Variants in NLGN1 observed in about 807,000 individuals in gnomAD.
NLGN1 encodes neuroligin 1.
A neutral mutation model predicts 65.5 loss-of-function variants in NLGN1; 12 were observed. The observed-to-expected ratio is 0.18, with a 90% CI of 0.12 to 0.30. The LOEUF is 0.30. Ranked by LOEUF, NLGN1 falls within the 10% of genes least tolerant of loss-of-function variation. The probability of loss-of-function intolerance (pLI) is 1.00; values close to 1 mark genes in which losing one functional copy is unlikely to be tolerated. For missense variants in NLGN1, 750 were observed against 1,007.1 expected (o/e 0.74, Z 3.46); for synonymous variants, 350 against 359.5 (o/e 0.97, Z 0.30).
Position 173,981,525 on chromosome 3 carries a change from C to A in NLGN1, c.646+173693C>A, listed in dbSNP as rs999775982. On this transcript the variant is annotated intron_variant, in intron 4 of 6. Transcript: ENST00000457714. The stretch of plus-strand genomic sequence containing the variant: ...CAACTATTTCTATATTACATTAAAG[C>A]AGGGATCCCATTTTATCTGGTACAT... Among the ~76,000 whole-genome samples, 3 of 152,116 alleles carry A rather than the reference C, an allele frequency of 2.0e-5. 1 individual carries two copies. The highest frequency in any genetic ancestry group is 4.4e-5 in the Non-Finnish European group (3 of 68,014).
chr3:173,837,107 G>C (rs1358483929), intron 4 of NLGN1, among the ~76,000 whole-genome samples: 2 of 152,002 alleles, frequency 1.3e-5, no homozygotes, highest in Admixed American at 1.3e-4. Flanking sequence ...ACTGATAATA[G>C]TAAAATTGTA....
In NLGN1 at chr3:173,940,397, T is replaced by TTCCTGG. The variant is rs1745856119; in HGVS notation, c.646+132566_646+132567insCCTGGT. ...AGCTACCATGCCCGGCCTCAAATAGTTATATCTTGTAGGTTCCTGGTCTAC... is the reference window on the plus strand; with the variant it reads ...AGCTACCATGCCCGGCCTCAAATAGTTCCTGGTATATCTTGTAGGTTCCTGGTCTAC... On this transcript the variant is annotated intron_variant, in intron 4 of 6. Coordinates refer to ENST00000457714, the Ensembl canonical transcript of NLGN1. 3.3e-5 allele frequency among the ~76,000 whole-genome samples: 5 copies of TTCCTGG among 152,274 alleles called. No individual in the cohort carries two copies. In the South Asian group the frequency reaches 1.0e-3, roughly 32 times the overall value.
At chr3:173,955,383 ATG>A (rs1406204605) in intron 4 of NLGN1, among the ~76,000 whole-genome samples, 1 of 152,186 alleles carries the variant, frequency 6.6e-6, no homozygotes, top group Non-Finnish European at 1.5e-5. Context: ...TTTAAGATGC[ATG>A]TAATGTTGTT....
intron 4 of NLGN1, among the ~76,000 whole-genome samples, chr3:173,854,720 C>T (rs1482137204): frequency 6.6e-6 from 1 of 151,958 alleles, no homozygotes; most frequent in East Asian, 1.9e-4. Context: ...TTGGGGAAAA[C>T]AGTATTGGGG....
intron 4 of NLGN1, among the ~76,000 whole-genome samples, chr3:173,816,792 C>T (rs986722539): frequency 6.6e-6 from 1 of 152,192 alleles, no homozygotes; most frequent in Non-Finnish European, 1.5e-5. Context: ...TTTCCTCTAC[C>T]CCAGATCTTT....
intron 4 of NLGN1, among the ~76,000 whole-genome samples, chr3:173,917,604 T>G (rs1344522486): frequency 1.3e-5 from 2 of 152,178 alleles, no homozygotes; most frequent in East Asian, 3.8e-4. Context: ...TCTATATTTT[T>G]CTAAGCCCTG....
intron 4 of NLGN1, among the ~76,000 whole-genome samples, chr3:174,095,261 A>C (rs1745264234): frequency 9.0e-6 from 1 of 111,020 alleles, no homozygotes; most frequent in South Asian, 2.5e-4. Flanking sequence ...TATGAAAAAT[A>C]AATTATATGG....
chr3:174,022,286 T>C (rs1236333779), intron 4 of NLGN1, among the ~76,000 whole-genome samples: 1 of 152,138 alleles, frequency 6.6e-6, no homozygotes, highest in Admixed American at 6.6e-5. Context: ...TGGAACTGAG[T>C]TGAAATTTAG....
chr3:173,784,325 G>A (rs1221409045), intron 3 of NLGN1, among the ~76,000 whole-genome samples: 4 of 152,170 alleles, frequency 2.6e-5, no homozygotes, highest in African/African-American at 7.2e-5. Flanking sequence ...CTGTCTGGAA[G>A]CCACAAAGGA....
Position 173,796,275 on chromosome 3 carries a change from A to G in NLGN1, c.494-11405A>G, listed in dbSNP as rs146754898. ...GTGGATAGTAATTATTTCAGAGCTC[A>G]TAATTATTCTCCTGTTAACTACAGA... On this transcript the variant is annotated intron_variant, in intron 3 of 6. Coordinates refer to ENST00000457714, the Ensembl canonical transcript of NLGN1. 6.6e-5 allele frequency among the ~76,000 whole-genome samples: 10 copies of G among 152,252 alleles called. No individual in the cohort carries two copies. In the East Asian group the frequency reaches 1.9e-3, roughly 29 times the overall value.
chr3:174,105,314 G>A (rs1391659379), intron 4 of NLGN1, among the ~76,000 whole-genome samples: 1 of 152,070 alleles, frequency 6.6e-6, no homozygotes, highest in Non-Finnish European at 1.5e-5. Flanking sequence ...AAGGCAGGTG[G>A]ATCACTTCAG....
At chr3:173,672,171 C>G (rs1248103604) in intron 3 of NLGN1, among the ~76,000 whole-genome samples, 1 of 152,026 alleles carries the variant, frequency 6.6e-6, no homozygotes, top group African/African-American at 2.4e-5. Context: ...GAGACTCCGT[C>G]TCAAAAATAA....
chr3:173,419,455 A>AT (rs1303334168), intron 1 of NLGN1, among the ~76,000 whole-genome samples: 11 of 150,994 alleles, frequency 7.3e-5, no homozygotes, highest in Admixed American at 2.6e-4. Context: ...CTGGTCGGAG[A>AT]TTTTTTTTTG....
At chr3:173,501,515 ATTCT>A (rs988534014) in intron 2 of NLGN1, among the ~76,000 whole-genome samples, 3 of 152,092 alleles carry the variant, frequency 2.0e-5, no homozygotes, top group Non-Finnish European at 4.4e-5. Flanking sequence ...CCACTTAGAA[ATTCT>A]TTATCATAAT....
intron 2 of NLGN1, among the ~76,000 whole-genome samples, chr3:173,567,972 T>G (rs2149319849): frequency 6.6e-6 from 1 of 152,288 alleles, no homozygotes; most frequent in East Asian, 1.9e-4. Context: ...ATTTTTTATT[T>G]GACAAATAAA....
At chr3:174,231,451 G>A (rs1740692220) in intron 4 of NLGN1, among the ~76,000 whole-genome samples, 1 of 152,184 alleles carries the variant, frequency 6.6e-6, no homozygotes, top group South Asian at 2.1e-4. Context: ...TTAATGTACG[G>A]TCGCTGGGAT....
chr3:173,635,955 T>C (rs1463874828), intron 3 of NLGN1, among the ~76,000 whole-genome samples: 1 of 152,108 alleles, frequency 6.6e-6, no homozygotes, highest in East Asian at 1.9e-4. Context: ...CTCGGCAGGC[T>C]CCTTATGTGC....
intron 3 of NLGN1, among the ~76,000 whole-genome samples, chr3:173,756,790 A>G (rs1777201090): frequency 6.6e-6 from 1 of 151,572 alleles, no homozygotes; most frequent in Non-Finnish European, 1.5e-5. Flanking sequence ...CCAGAAACAC[A>G]TAGAAATCTA....
intron 4 of NLGN1, among the ~76,000 whole-genome samples, chr3:173,980,356 A>G (rs556172386): frequency 2.0e-5 from 3 of 151,968 alleles, no homozygotes; most frequent in Admixed American, 6.6e-5. Flanking sequence ...ATTATAGCTT[A>G]TTTCACTCTT....
Sources: allele counts gnomAD v4.1 joint callset (sites outside exome capture counted in the v4.1 genomes callset), GRCh38; gene constraint gnomAD v4.1.1; transcripts MANE v1.5; gene names NCBI Gene and HGNC (gene_info 2026-07-23, HGNC 2026-07-21).